ARMC9: variants seen among roughly 807,000 people sequenced by gnomAD.
ARMC9 encodes the protein lisH domain-containing protein ARMC9.
ARMC9 carries 94 observed loss-of-function variants against 107.0 expected under a neutral mutation model. The ratio of observed to expected loss-of-function variants is 0.88; its 90% CI spans 0.74 to 1.04. ARMC9 has a LOEUF of 1.04. Ranked by LOEUF, ARMC9 falls within the 50% of genes least tolerant of loss-of-function variation. The pLI, the probability that ARMC9 is intolerant of heterozygous loss-of-function variation, is 0.00. For synonymous variants in ARMC9, 380 were observed against 396.9 expected (o/e 0.96, Z 0.51); for missense variants, 942 against 1,030.1 (o/e 0.91, Z 1.17).
intron 21 of ARMC9, among the ~76,000 whole-genome samples, chr2:231,352,661 GGATAGATAGATA>G (rs150058513): frequency 0.033 from 4,864 of 145,226 alleles, 187 homozygotes; most frequent in African/African-American, 0.085. Flanking sequence ...GATGTTCACA[GGATAGATAGATA>G]GATAGATAGA....
intron 24 of ARMC9, chr2:231,371,164 T>C: frequency 1.8e-6 from 1 of 542,296 alleles, no homozygotes; most frequent in East Asian, 4.5e-5. Flanking sequence ...TCCCCAGTCA[T>C]AGCAACAGTG....
intron 6 of ARMC9, among the ~76,000 whole-genome samples, chr2:231,226,351 C>G (rs979542666): frequency 1.3e-5 from 2 of 152,196 alleles, no homozygotes; most frequent in Non-Finnish European, 2.9e-5. Context: ...CTTAGCAATA[C>G]TGTGCTATGC....
At chr2:231,278,352 T>G (rs754066827) in intron 15 of ARMC9, 30 bp from the exon 16 acceptor site, 1 of 1,606,994 alleles carries the variant, frequency 6.2e-7, no homozygotes, top group Non-Finnish European at 8.5e-7. Flanking sequence ...TTTAGACATG[T>G]CATGTTTAGC....
intron 19 of ARMC9, among the ~76,000 whole-genome samples, chr2:231,310,542 C>A (rs2042286164): frequency 6.6e-6 from 1 of 150,688 alleles, no homozygotes. Flanking sequence ...ACCAGCCTGA[C>A]CAACATGGAG....
chr2:231,240,732 G>A (rs1374989001), intron 9 of ARMC9, among the ~76,000 whole-genome samples: 3 of 152,138 alleles, frequency 2.0e-5, no homozygotes, highest in African/African-American at 7.2e-5. Flanking sequence ...TTTGGTAGTT[G>A]AGTCAATAAT....
chr2:231,282,160 T>C (rs1278310674), intron 17 of ARMC9, 27 bp downstream of exon 17: 1 of 1,609,582 alleles, frequency 6.2e-7, no homozygotes, highest in African/African-American at 1.3e-5. Flanking sequence ...GAGAAACATG[T>C]GAGCTTCCTT....
In ARMC9 at chr2:231,374,312, C is replaced by T. The variant is rs2046129628; in HGVS notation, c.*2777C>T. ...TAAGGCCCCAGGTAGATTATGGCTC[C>T]TCTGCCCTGGAGGCTGAGCCGCCCC... On this transcript the variant is annotated 3_prime_UTR_variant, in exon 25 of 25. Coordinates refer to ENST00000611582, the MANE Select transcript of ARMC9 (RefSeq NM_001352754.2). 1 of 152,140 alleles carries T rather than the reference C, an allele frequency of 6.6e-6. No individual in the cohort carries two copies. The highest frequency in any genetic ancestry group is 2.1e-4 in the South Asian group (1 of 4,818). The allele number at this position is 152,140 out of a possible 1,614,324, so 9.4% of individuals were successfully genotyped here.
intron 4 of ARMC9, 65 bp from the exon 5 acceptor site, chr2:231,216,573 T>TG: frequency 6.5e-7 from 1 of 1,531,826 alleles, no homozygotes; most frequent in South Asian, 1.2e-5. Flanking sequence ...AGAGAGAGGA[T>TG]GGGGTGAGCA....
At position 231,354,485 on chromosome 2, in the gene ARMC9, G is replaced by A. The variant is rs141953400; in HGVS notation, c.1995-1313G>A. ...CAACCTCCGCCTCCCTGGCTCAAGC[G>A]ATTCTCCTGCCTCAGCCTCTTGAGT... On this transcript the variant is annotated intron_variant, in intron 21 of 24. Coordinates refer to ENST00000611582, the MANE Select transcript of ARMC9 (RefSeq NM_001352754.2). 3.2e-3 allele frequency among the ~76,000 whole-genome samples: 482 copies of A among 149,560 alleles called. 3 individuals are homozygous for A. The highest frequency in any genetic ancestry group is 0.011 in the African/African-American group (448 of 40,608).
chr2:231,325,044 A>G (rs2043235638), intron 19 of ARMC9, among the ~76,000 whole-genome samples: 1 of 152,066 alleles, frequency 6.6e-6, no homozygotes, highest in Non-Finnish European at 1.5e-5. Flanking sequence ...GGCAACATGG[A>G]AAAACCCTGT....
intron 2 of ARMC9, among the ~76,000 whole-genome samples, chr2:231,207,466 AT>A (rs1405278596): frequency 1.4e-5 from 2 of 145,386 alleles, no homozygotes; most frequent in African/African-American, 2.6e-5. Context: ...GGCCTATACC[AT>A]TTTTTCTTTT....
chr2:231,355,778 T>C lies in ARMC9; in HGVS notation c.1995-20T>C, dbSNP rs1402801219. ...TCCTGGCTGGCTGTACTCACTGCCG[T>C]TTTTCATGTTTTTCTCCAGGGTGGA... On this transcript the variant is annotated intron_variant, in intron 21 of 24. Coordinates refer to ENST00000611582, the MANE Select transcript of ARMC9 (RefSeq NM_001352754.2). 2 of 1,520,998 alleles carry C rather than the reference T, an allele frequency of 1.3e-6. No homozygotes were observed. Among genetic ancestry groups the C allele is most frequent in the Non-Finnish European group, 1.8e-6 (2 of 1,135,524 alleles). 94.2% of individuals were successfully genotyped at this position (1,520,998 alleles called of 1,614,324 possible).
intron 8 of ARMC9, among the ~76,000 whole-genome samples, chr2:231,236,519 A>T (rs1458645447): frequency 1.3e-5 from 2 of 152,198 alleles, no homozygotes; most frequent in East Asian, 3.8e-4. Flanking sequence ...AATTCAGGCC[A>T]GGCACAGTGG....
At chr2:231,331,975 C>T (rs2043773195) in intron 20 of ARMC9, 78 bp downstream of exon 20, 1 of 1,219,448 alleles carries the variant, frequency 8.2e-7, no homozygotes, top group Non-Finnish European at 1.2e-6. Context: ...TTTTCAGTGA[C>T]ACAGAGGGTT....
chr2:231,330,390 G>A (rs545725819), intron 19 of ARMC9, among the ~76,000 whole-genome samples: 13 of 152,028 alleles, frequency 8.6e-5, no homozygotes, highest in Non-Finnish European at 1.9e-4. Flanking sequence ...AACCCACTAC[G>A]CCTCCACTAA....
intron 12 of ARMC9, among the ~76,000 whole-genome samples, chr2:231,269,542 C>T (rs1189437811): frequency 3.3e-5 from 5 of 151,500 alleles, no homozygotes; most frequent in East Asian, 2.0e-4. Context: ...TGTGCCACCA[C>T]GCCTGGCTAA....
At chr2:231,277,883 T>A (rs1466847742) in intron 15 of ARMC9, among the ~76,000 whole-genome samples, 1 of 152,176 alleles carries the variant, frequency 6.6e-6, no homozygotes, top group African/African-American at 2.4e-5. Context: ...ACTTCTAATA[T>A]GTTTATCAGA....
intron 21 of ARMC9, among the ~76,000 whole-genome samples, chr2:231,346,382 A>G (rs1299942289): frequency 6.6e-6 from 1 of 151,916 alleles, no homozygotes; most frequent in African/African-American, 2.4e-5. Flanking sequence ...TTAGCCCAGC[A>G]TGGTGGCGGG....
rs753418173 is a variant in ARMC9, at chr2:231,206,215, A to C, written c.-24A>C. ...CCTTCTAGAGATTTTTGCTGTGAGAATTAATTACCAGTAACAGTTCAATAT... is the reference window on the plus strand; with the variant it reads ...CCTTCTAGAGATTTTTGCTGTGAGACTTAATTACCAGTAACAGTTCAATAT... On this transcript the variant is annotated 5_prime_UTR_variant, in exon 2 of 25. Coordinates refer to ENST00000611582, the MANE Select transcript of ARMC9 (RefSeq NM_001352754.2). 6.2e-7 allele frequency: 1 copy of C among 1,608,206 alleles called. No individual in the cohort carries two copies. The highest frequency in any genetic ancestry group is 8.5e-7 in the Non-Finnish European group (1 of 1,175,796).
Sources: allele counts gnomAD v4.1 joint callset (sites outside exome capture counted in the v4.1 genomes callset), GRCh38; gene constraint gnomAD v4.1.1; transcripts MANE v1.5; gene names NCBI Gene and HGNC (gene_info 2026-07-23, HGNC 2026-07-21).